RMND5A: variants seen among roughly 807,000 people sequenced by gnomAD.
RMND5A encodes the protein E3 ubiquitin-protein transferase RMND5A.
In RMND5A, 17 loss-of-function variants were observed where a neutral mutation model predicts 49.7. The ratio of observed to expected loss-of-function variants is 0.34; its 90% CI spans 0.23 to 0.51. RMND5A has a LOEUF of 0.51. RMND5A is among the 20% of genes least tolerant of loss of function. The pLI is 0.96. For synonymous variants in RMND5A, 156 were observed against 167.7 expected, an observed-to-expected ratio of 0.93 and a Z score of 0.54; for missense variants, 255 against 471.3, an observed-to-expected ratio of 0.54 and a Z score of 4.25.
Position 86,777,727 on chromosome 2 carries a change from T to A in RMND5A, c.*4316T>A, listed in dbSNP as rs1405475678. On this transcript the variant is annotated 3_prime_UTR_variant, in exon 9 of 9. Transcript: ENST00000283632. ...GATCAATTTTTTAAGAAATGTATCC[T>A]GTTTGCAAAGGCACAGTAAAGTTGC... The A allele has an allele frequency of 6.6e-6, 1 of 152,230 alleles. No homozygotes were observed. Among genetic ancestry groups the A allele is most frequent in the African/African-American group, 2.4e-5 (1 of 41,460 alleles). 9.4% of individuals were successfully genotyped at this position (152,230 alleles called of 1,614,324 possible). A position where few individuals can be genotyped will look rare whatever the true frequency, so the allele number is the denominator to read the frequency against.
intron 6 of RMND5A, among the ~76,000 whole-genome samples, chr2:86,767,557 A>C (rs1672622047): frequency 1.3e-5 from 2 of 152,122 alleles, no homozygotes; most frequent in African/African-American, 4.8e-5. Flanking sequence ...CTGGGAGTAC[A>C]GTTGTGTGCC....
chr2:86,752,720 CAT>C (rs1423231607), intron 3 of RMND5A, among the ~76,000 whole-genome samples: 4 of 152,214 alleles, frequency 2.6e-5, no homozygotes, highest in African/African-American at 9.7e-5. Context: ...GTCCCTGATT[CAT>C]ATGTCTTCAC....
At chr2:86,765,524 G>T (rs1672575845) in intron 5 of RMND5A, 1 of 347,166 alleles carries the variant, frequency 2.9e-6, no homozygotes, top group East Asian at 5.7e-5. Flanking sequence ...GGTGGCAACT[G>T]TCAACCCCAC....
intron 6 of RMND5A, among the ~76,000 whole-genome samples, chr2:86,768,533 G>A (rs1672637172): frequency 1.3e-5 from 2 of 152,226 alleles, no homozygotes; most frequent in African/African-American, 4.8e-5. Flanking sequence ...GCAGGATTGG[G>A]CAGAGAGGAA....
In RMND5A at chr2:86,776,469, T is replaced by G. The variant is rs954084814; in HGVS notation, c.*3058T>G. The G allele has an allele frequency of 6.6e-6, 1 of 152,150 alleles. No homozygotes were observed. The highest frequency in any genetic ancestry group is 1.5e-5 in the Non-Finnish European group (1 of 68,018). The allele number at this position is 152,150 out of a possible 1,614,324, so 9.4% of individuals were successfully genotyped here. A position where few individuals can be genotyped will look rare whatever the true frequency, so the allele number is the denominator to read the frequency against. On this transcript the variant is annotated 3_prime_UTR_variant, in exon 9 of 9. Transcript: ENST00000283632. ...AGAGACACTAAAACCCACACCACAT[T>G]TTGTGGGAAATGAGGATCCTGATCC...
chr2:86,720,824 G>A lies in RMND5A; in HGVS notation c.142+15G>A, dbSNP rs770098490. 2.5e-5 allele frequency: 40 copies of A among 1,571,384 alleles called. 1 individual carries two copies. Among genetic ancestry groups the A allele is most frequent in the Non-Finnish European group, 3.4e-5 (40 of 1,160,396 alleles). On this transcript the variant is annotated intron_variant, in intron 1 of 8. Coordinates refer to ENST00000283632, the MANE Select transcript of RMND5A (RefSeq NM_022780.4). ...GCAGAGCCACGGTAGGGCGGCCCGC[G>A]TGGGCGCGCGGGGCATGGCCCACTG...
intron 4 of RMND5A, among the ~76,000 whole-genome samples, chr2:86,762,448 C>G (rs1311805696): frequency 1.3e-5 from 2 of 151,652 alleles, no homozygotes; most frequent in African/African-American, 4.8e-5. Context: ...AGTTCAAGAC[C>G]AGCCTGGCCA....
intron 4 of RMND5A, among the ~76,000 whole-genome samples, chr2:86,754,730 A>C (rs1681699108): frequency 6.6e-6 from 1 of 152,002 alleles, no homozygotes; most frequent in African/African-American, 2.4e-5. Context: ...TAATTAAAAA[A>C]AATTTTTTTT....
At chr2:86,750,669 T>C (rs1389009682) in intron 2 of RMND5A, among the ~76,000 whole-genome samples, 2 of 152,190 alleles carry the variant, frequency 1.3e-5, no homozygotes, top group East Asian at 1.9e-4. Context: ...GGAAATACTC[T>C]TCAACTATTT....
chr2:86,759,983 C>CTTCTT (rs1407081415), intron 4 of RMND5A, among the ~76,000 whole-genome samples: 1 of 152,134 alleles, frequency 6.6e-6, no homozygotes, highest in Non-Finnish European at 1.5e-5. Flanking sequence ...CAGTCTGGAA[C>CTTCTT]TTCTTTGTCT....
intron 6 of RMND5A, 40 bp from the exon 7 acceptor site, chr2:86,769,983 C>A: frequency 6.7e-7 from 1 of 1,501,352 alleles, no homozygotes; most frequent in South Asian, 1.1e-5. Flanking sequence ...GCGGCCTGAC[C>A]CCTGGCCTGG....
intron 2 of RMND5A, among the ~76,000 whole-genome samples, chr2:86,743,673 C>T (rs749876831): frequency 6.6e-6 from 1 of 152,090 alleles, no homozygotes; most frequent in Non-Finnish European, 1.5e-5. Context: ...GGATTCTTCT[C>T]ATTCGTCATA....
At chr2:86,754,051 A>T (rs551372816) in intron 4 of RMND5A, among the ~76,000 whole-genome samples, 1 of 152,354 alleles carries the variant, frequency 6.6e-6, no homozygotes, top group East Asian at 1.9e-4. Context: ...CCTCTCATTG[A>T]TAAGAATTGT....
In RMND5A at chr2:86,777,646, C is replaced by T. The variant is rs1434167760; in HGVS notation, c.*4235C>T. The T allele has an allele frequency of 3.3e-5, 5 of 152,174 alleles. No homozygotes were observed. The highest frequency in any genetic ancestry group is 6.8e-3 in the Middle Eastern group (2 of 294). 9.4% of individuals were successfully genotyped at this position (152,174 alleles called of 1,614,324 possible). On this transcript the variant is annotated 3_prime_UTR_variant, in exon 9 of 9. Coordinates refer to ENST00000283632, the MANE Select transcript of RMND5A (RefSeq NM_022780.4). Reference sequence around the variant, plus strand: ...CTATAGTATTTCTATAATTATGTAACGAGAATAGTGTTGCACTGTAATCTA... The same window carrying T: ...CTATAGTATTTCTATAATTATGTAATGAGAATAGTGTTGCACTGTAATCTA...
In RMND5A at chr2:86,758,170, A is replaced by C. The variant is rs1313737858; in HGVS notation, c.521+4612A>C. Among the ~76,000 whole-genome samples the C allele has an allele frequency of 2.0e-5, 3 of 152,136 alleles. No homozygotes were observed. The East Asian group carries it at 5.8e-4, about 29-fold the overall frequency. ...GTACAAAATCAAAAGGCACAACAAG[A>C]TAAAAATACAGTGAAAAGTAAATCT... On this transcript the variant is annotated intron_variant, in intron 4 of 8. Transcript: ENST00000283632.
chr2:86,775,164 C>G lies in RMND5A; in HGVS notation c.*1753C>G, dbSNP rs1201397412. 6.6e-6 allele frequency: 1 copy of G among 152,152 alleles called. No homozygotes were observed. The highest frequency in any genetic ancestry group is 2.4e-5 in the African/African-American group (1 of 41,412). 9.4% of individuals were successfully genotyped at this position (152,152 alleles called of 1,614,324 possible). On this transcript the variant is annotated 3_prime_UTR_variant, in exon 9 of 9. Transcript: ENST00000283632. Reference sequence around the variant, plus strand: ...GAATCCTCTTTGAAGTTCCCCCTCTCTTTGCTAAAGCAGTGAAGGAAGAGA... The same window carrying G: ...GAATCCTCTTTGAAGTTCCCCCTCTGTTTGCTAAAGCAGTGAAGGAAGAGA...
At chr2:86,746,674 A>C (rs964118756) in intron 2 of RMND5A, among the ~76,000 whole-genome samples, 1 of 152,188 alleles carries the variant, frequency 6.6e-6, no homozygotes, top group African/African-American at 2.4e-5. Context: ...TCTACATATG[A>C]ATTTCTCTCC....
At position 86,777,861 on chromosome 2, in the gene RMND5A, T is replaced by G. The variant is rs767165840; in HGVS notation, c.*4450T>G. On this transcript the variant is annotated 3_prime_UTR_variant, in exon 9 of 9. Transcript: ENST00000283632. ...GGAAAAAGTAGCATATCCAGTAGTT[T>G]CAGGGAATTCATTTTAACTTTAAGA... 1 of 152,224 alleles carries G rather than the reference T, an allele frequency of 6.6e-6. No individual in the cohort carries two copies. The highest frequency in any genetic ancestry group is 1.5e-5 in the Non-Finnish European group (1 of 68,042). 9.4% of individuals were successfully genotyped at this position (152,224 alleles called of 1,614,324 possible).
chr2:86,768,859 TTGAC>T (rs1327741313), intron 6 of RMND5A, among the ~76,000 whole-genome samples: 2 of 152,344 alleles, frequency 1.3e-5, no homozygotes, highest in African/African-American at 4.8e-5. Context: ...AGCATGTCAT[TTGAC>T]TGATAAGCTG....
Sources: allele counts gnomAD v4.1 joint callset (sites outside exome capture counted in the v4.1 genomes callset), GRCh38; gene constraint gnomAD v4.1.1; transcripts MANE v1.5; gene names NCBI Gene and HGNC (gene_info 2026-07-23, HGNC 2026-07-21).